The following AGAP3 variants were observed in gnomAD, a reference collection of about 807,000 sequenced individuals.
The protein encoded by AGAP3 is ArfGAP with GTPase domain, ankyrin repeat and PH domain 3.
In AGAP3, 24 loss-of-function variants were observed where a neutral mutation model predicts 96.9. The ratio of observed to expected loss-of-function variants is 0.25; its 90% CI spans 0.18 to 0.35. AGAP3 has a LOEUF of 0.35. Ranked by LOEUF, AGAP3 falls within the 10% of genes least tolerant of loss-of-function variation. The pLI, the probability that AGAP3 is intolerant of heterozygous loss-of-function variation, is 1.00. For missense variants in AGAP3, 876 were observed against 1,254.2 expected (o/e 0.70, Z 4.55); for synonymous variants, 563 against 536.1 (o/e 1.05, Z -0.69).
At chr7:151,134,842 C>T (rs1197468455) in intron 11 of AGAP3, among the ~76,000 whole-genome samples, 1 of 152,152 alleles carries the variant, frequency 6.6e-6, no homozygotes, top group African/African-American at 2.4e-5. Context: ...CTAGGCCCAT[C>T]TCTGCATCTG....
chr7:151,141,627 C>G lies in AGAP3; in HGVS notation c.1805-271C>G, dbSNP rs1188752731. 2 of 481,946 alleles carry G rather than the reference C, an allele frequency of 4.1e-6. No individual in the cohort carries two copies. The highest frequency in any genetic ancestry group is 7.6e-6 in the Non-Finnish European group (2 of 263,482). The allele number at this position is 481,946 out of a possible 1,614,324, so 29.9% of individuals were successfully genotyped here. The stretch of plus-strand genomic sequence containing the variant: ...GTTTCACACCCATTCCCGGCAGTGC[C>G]AGGGGTGCCAAGATCTTGCATCCCC... On this transcript the variant is annotated intron_variant, in intron 13 of 17. Transcript: ENST00000397238. The surrounding 1 kb of genome is among the most constrained non-coding windows in gnomAD (Gnocchi z 4.2).
At chr7:151,115,834 C>T (rs1051347302) in intron 1 of AGAP3, among the ~76,000 whole-genome samples, 15 of 152,192 alleles carry the variant, frequency 9.9e-5, no homozygotes, top group African/African-American at 3.6e-4. Context: ...GGGGAGCTCT[C>T]GGGTGCGGCC....
chr7:151,112,047 A>T (rs1799312491), intron 1 of AGAP3: 1 of 152,250 alleles, frequency 6.6e-6, no homozygotes, highest in African/African-American at 2.4e-5. Flanking sequence ...ATCAGGCACA[A>T]CAGAGACCTT....
rs1463920235 is a variant in AGAP3, at chr7:151,086,485, C to G, written c.-257C>G. ...GCTCCCGGTCCCGTTGTTGTTGCCG[C>G]TGGAGGCTGCTCCGAGGCAGCGGGA... is the stretch of plus-strand genomic sequence containing the variant. On this transcript the variant is annotated 5_prime_UTR_variant, in exon 1 of 18. Transcript: ENST00000397238. Among the ~76,000 whole-genome samples, 3 of 147,782 alleles carry G rather than the reference C, an allele frequency of 2.0e-5. No homozygotes were observed. Among genetic ancestry groups the G allele is most frequent in the Admixed American group, 2.0e-4 (3 of 14,890 alleles).
At chr7:151,105,315 A>G (rs964674661) in intron 1 of AGAP3, among the ~76,000 whole-genome samples, 4 of 152,212 alleles carry the variant, frequency 2.6e-5, no homozygotes, top group Admixed American at 2.6e-4. Flanking sequence ...AGAAAAACAT[A>G]AAAGAAGCAA....
At chr7:151,112,396 CGTGTGTGTGTGTGTGTGTGT>C (rs71819427) in intron 1 of AGAP3, among the ~76,000 whole-genome samples, 2 of 139,848 alleles carry the variant, frequency 1.4e-5, no homozygotes, top group Non-Finnish European at 1.6e-5. Context: ...TTCCCCGAGA[CGTGTGTGTGTGTGTGTGTGT>C]GTGTGTGTGT....
intron 1 of AGAP3, among the ~76,000 whole-genome samples, chr7:151,098,084 C>T (rs568270356): frequency 1.3e-5 from 2 of 152,238 alleles, no homozygotes; most frequent in African/African-American, 4.8e-5. Context: ...TGGGACCAAG[C>T]GCGGTGGCTC....
At chr7:151,116,701 T>G in intron 1 of AGAP3, 92 bp from the exon 2 acceptor site, 4 of 1,448,732 alleles carry the variant, frequency 2.8e-6, no homozygotes, top group Non-Finnish European at 3.9e-6. Flanking sequence ...GGCCTGGGCT[T>G]GGGGAGGGCA....
At chr7:151,123,485 TC>T (rs1167542371) in intron 8 of AGAP3, 1 of 1,194,476 alleles carries the variant, frequency 8.4e-7, no homozygotes, top group Non-Finnish European at 1.0e-6. Flanking sequence ...ACCGTCCACC[TC>T]CTCGCCCCCG....
intron 1 of AGAP3, among the ~76,000 whole-genome samples, chr7:151,107,996 G>A (rs758057569): frequency 2.0e-5 from 3 of 152,194 alleles, no homozygotes; most frequent in Non-Finnish European, 4.4e-5. Flanking sequence ...CCTCTGGCAC[G>A]GCACCGGCCC....
At chr7:151,131,682 T>A (rs922690254) in intron 10 of AGAP3, among the ~76,000 whole-genome samples, 1 of 152,338 alleles carries the variant, frequency 6.6e-6, no homozygotes, top group East Asian at 1.9e-4. Flanking sequence ...GTAGAGTGTC[T>A]GGCTGGTGCC....
At chr7:151,119,922 C>G in intron 7 of AGAP3, 65 bp from the exon 8 acceptor site, 2 of 1,555,406 alleles carry the variant, frequency 1.3e-6, no homozygotes, top group South Asian at 2.3e-5. Context: ...GGATTCCCGG[C>G]ACCCGCCTGG....
chr7:151,093,561 C>G (rs1798480793), intron 1 of AGAP3, among the ~76,000 whole-genome samples: 3 of 152,206 alleles, frequency 2.0e-5, no homozygotes, highest in Admixed American at 2.0e-4. Flanking sequence ...CTCCCCTCTC[C>G]TGGGAGGATC....
chr7:151,113,039 C>G (rs564749452), intron 1 of AGAP3, among the ~76,000 whole-genome samples: 1 of 152,298 alleles, frequency 6.6e-6, no homozygotes, highest in African/African-American at 2.4e-5. Flanking sequence ...CGACCCTTTG[C>G]TTGCATTTTC....
At chr7:151,094,149 G>C (rs1798505717) in intron 1 of AGAP3, among the ~76,000 whole-genome samples, 1 of 152,174 alleles carries the variant, frequency 6.6e-6, no homozygotes, top group East Asian at 1.9e-4. Context: ...GTAGTGCTGA[G>C]GATTGAGACC....
At chr7:151,120,226 G>T in intron 8 of AGAP3, 81 bp downstream of exon 8, 1 of 1,450,052 alleles carries the variant, frequency 6.9e-7, no homozygotes, top group Non-Finnish European at 9.4e-7. Context: ...GCCAGGAGGG[G>T]CGTGGGCAGC....
chr7:151,105,716 C>T (rs1362726198), intron 1 of AGAP3, among the ~76,000 whole-genome samples: 1 of 146,868 alleles, frequency 6.8e-6, no homozygotes, highest in Non-Finnish European at 1.5e-5. Flanking sequence ...CCAGTAAGCT[C>T]TAATCTCGCC....
rs558793884 is a variant in AGAP3 at position 151,141,484 on chromosome 7, A to AT, written c.1805-413dup. 32 of 205,376 alleles carry AT rather than the reference A, an allele frequency of 1.6e-4. No individual in the cohort carries two copies. The East Asian group carries it at 4.1e-3, about 26-fold the overall frequency. The allele number at this position is 205,376 out of a possible 1,614,324, so 12.7% of individuals were successfully genotyped here. A position where few individuals can be genotyped will look rare whatever the true frequency, so the allele number is the denominator to read the frequency against. ...GCAAAATGAGGCGGCTGCAGCTGAC[A>AT]TGTACGGATGGTGCCCACACCCGCC... On this transcript the variant is annotated intron_variant, in intron 13 of 17. Coordinates refer to ENST00000397238, the MANE Select transcript of AGAP3 (RefSeq NM_031946.7). The surrounding 1 kb of genome is among the most constrained non-coding windows in gnomAD (Gnocchi z 4.2).
Position 151,143,547 on chromosome 7 carries a change from A to G in AGAP3, c.2480A>G (p.His827Arg), listed in dbSNP as rs373356038. ...GACGGGGACGGGCGGACGGCTCTACATCTCTCCAGTGCCATGGCCAACGTT... is the reference window on the plus strand; with the variant it reads ...GACGGGGACGGGCGGACGGCTCTACGTCTCTCCAGTGCCATGGCCAACGTT... Reference protein sequence around the residue: ...YGDGDGRTALHLSSAMANVVF... With the variant: ...YGDGDGRTALRLSSAMANVVF... The change falls in exon 17 of 18, where the codon CAT becomes CGT. Residue 827 changes from histidine to arginine, a missense_variant. By Grantham distance (29) the His-to-Arg change is conservative. Around this residue, in one of 8 missense-constraint regions of AGAP3, gnomAD observed 213 missense variants for 253.8 expected, o/e 0.84. Coordinates refer to ENST00000397238, the MANE Select transcript of AGAP3 (RefSeq NM_031946.7). The surrounding 1 kb of genome is among the most constrained non-coding windows in gnomAD (Gnocchi z 5.9). 4 of 1,613,172 alleles carry G rather than the reference A, an allele frequency of 2.5e-6. No individual in the cohort carries two copies. The highest frequency in any genetic ancestry group is 2.2e-5 in the East Asian group (1 of 44,878).
Sources: allele counts gnomAD v4.1 joint callset (sites outside exome capture counted in the v4.1 genomes callset), GRCh38; gene constraint gnomAD v4.1.1; regional missense constraint gnomAD v4.1.1; non-coding constraint Gnocchi (gnomAD v3.1); transcripts MANE v1.5; gene names NCBI Gene and HGNC (gene_info 2026-07-23, HGNC 2026-07-21).